Variants in SPAST observed in about 807,000 individuals in gnomAD.
SPAST encodes the protein spastic paraplegia 4 (autosomal dominant; spastin).
A neutral mutation model predicts 76.6 loss-of-function variants in SPAST; 30 were observed. The observed-to-expected ratio is 0.39, with a 90% CI of 0.29 to 0.53. SPAST has a LOEUF of 0.53. Among genes scored for constraint, SPAST ranks in the 20% least tolerant of loss-of-function variants. The pLI, the probability that SPAST is intolerant of heterozygous loss-of-function variation, is 0.68. For synonymous variants in SPAST, 305 were observed against 281.0 expected (o/e 1.09, Z -0.86); for missense variants, 717 against 770.5 (o/e 0.93, Z 0.82).
intron 4 of SPAST, among the ~76,000 whole-genome samples, chr2:32,108,267 C>CT (rs1292622216): frequency 6.6e-6 from 1 of 152,108 alleles, no homozygotes; most frequent in African/African-American, 2.4e-5. Context: ...AGACAACAGC[C>CT]TCAACAGCAG....
chr2:32,066,994 C>CAAAAAAAAAAAAAA (rs1553395256), intron 1 of SPAST, among the ~76,000 whole-genome samples: 1 of 47,106 alleles, frequency 2.1e-5, no homozygotes, highest in South Asian at 1.0e-3. Flanking sequence ...AAAAAAAAAC[C>CAAAAAAAAAAAAAA]AAAAAAAAAA....
chr2:32,125,612 A>G (rs538382531), intron 7 of SPAST, among the ~76,000 whole-genome samples: 1 of 151,954 alleles, frequency 6.6e-6, no homozygotes, highest in Non-Finnish European at 1.5e-5. Context: ...TGTAGGTGAG[A>G]TGTTTTCAGT....
At chr2:32,081,103 C>T (rs1044731446) in intron 1 of SPAST, among the ~76,000 whole-genome samples, 2 of 152,160 alleles carry the variant, frequency 1.3e-5, no homozygotes, top group Non-Finnish European at 2.9e-5. Flanking sequence ...AGGCAACAGG[C>T]GTGCGCCACC....
chr2:32,090,874 C>A (rs1161427492), intron 3 of SPAST, among the ~76,000 whole-genome samples: 4 of 152,120 alleles, frequency 2.6e-5, no homozygotes, highest in Non-Finnish European at 5.9e-5. Context: ...GATTAGACTA[C>A]TTCCTAGGTG....
chr2:32,097,165 G>C (rs1353864183), intron 3 of SPAST, among the ~76,000 whole-genome samples: 1 of 152,230 alleles, frequency 6.6e-6, no homozygotes, highest in African/African-American at 2.4e-5. Flanking sequence ...ACTTGGGGAA[G>C]AGAGTGCAGC....
At chr2:32,075,682 T>A (rs1182535376) in intron 1 of SPAST, among the ~76,000 whole-genome samples, 1 of 148,288 alleles carries the variant, frequency 6.7e-6, no homozygotes, top group East Asian at 2.1e-4. Flanking sequence ...CACAAGTAGA[T>A]GGGACTACAG....
chr2:32,110,076 ATG>A (rs1678485656), intron 4 of SPAST, among the ~76,000 whole-genome samples: 1 of 146,798 alleles, frequency 6.8e-6, no homozygotes, highest in Admixed American at 6.8e-5. Context: ...GTATTTGTAT[ATG>A]TGTGTATACA....
chr2:32,147,408 C>G, intron 16 of SPAST, 150 bp downstream of exon 16: 1 of 570,878 alleles, frequency 1.8e-6, no homozygotes, highest in Non-Finnish European at 3.0e-6. Flanking sequence ...CTGCAACCTC[C>G]ACCTCCTGGA....
rs469305 is a variant in SPAST at position 32,089,404 on chromosome 2, A to T, written c.503-118A>T. The T allele has an allele frequency of 0.43, 252,310 of 580,704 alleles. 54,860 individuals carry two copies. The highest frequency in any genetic ancestry group is 0.59 in the East Asian group (18,563 of 31,292). The allele number at this position is 580,704 out of a possible 1,614,324, so 36.0% of individuals were successfully genotyped here. On this transcript the variant is annotated intron_variant, in intron 2 of 16. Transcript: ENST00000315285. ...GGGTATACATTTTCTTCTTTTTTTT[A>T]AAAAAAAATTTCTGTATAAAGACTG...
chr2:32,090,079 C>CT (rs1306076167), intron 3 of SPAST, among the ~76,000 whole-genome samples: 1 of 152,204 alleles, frequency 6.6e-6, no homozygotes, highest in Admixed American at 6.5e-5. Context: ...TAATGAACTT[C>CT]TAATTATTCT....
At position 32,114,707 on chromosome 2, in the gene SPAST, CA is replaced by C. The variant is rs1678756927; in HGVS notation, c.753del (p.Val252LeufsTer2). The C allele has an allele frequency of 6.2e-7, 1 of 1,614,018 alleles. No homozygotes were observed. Among genetic ancestry groups the C allele is most frequent in the Non-Finnish European group, 8.5e-7 (1 of 1,179,926 alleles). On this transcript the variant is annotated frameshift_variant, in exon 5 of 17. Transcript: ENST00000315285. LOFTEE classifies it high-confidence loss of function. ...AGTAATTCACTGCCTCGTTCAAAAA[CA>C]GTTATGAAAACTGGATCTGCAGGCC... ...HTSNSLPRSK[T>X]VMKTGSAGLS...
chr2:32,103,781 G>A (rs567898918), intron 4 of SPAST, among the ~76,000 whole-genome samples: 16 of 152,212 alleles, frequency 1.1e-4, no homozygotes, highest in South Asian at 4.2e-4. Context: ...GTGGTTTTGC[G>A]TGAGTTTCTT....
rs1021350537 is a variant in SPAST, at chr2:32,082,963, T to TTTAA, written c.416-4514_416-4511dup. Among the ~76,000 whole-genome samples the TTTAA allele has an allele frequency of 3.9e-5, 6 of 152,134 alleles. No individual in the cohort carries two copies. The South Asian group carries it at 1.0e-3, about 26-fold the overall frequency. On this transcript the variant is annotated intron_variant, in intron 1 of 16. Coordinates refer to ENST00000315285, the MANE Select transcript of SPAST (RefSeq NM_014946.4). ...GTTTTTGTTATTGTTGTTGTTGTTG[T>TTTAA]TTAATTAATTAATTAATTTTTTTTT...
At chr2:32,110,912 C>T (rs111206657) in intron 4 of SPAST, among the ~76,000 whole-genome samples, 1 of 50,592 alleles carries the variant, frequency 2.0e-5, no homozygotes, top group Non-Finnish European at 3.5e-5. Flanking sequence ...TATACTATAT[C>T]GTGTGTATAG....
At chr2:32,094,795 C>T (rs938537059) in intron 3 of SPAST, among the ~76,000 whole-genome samples, 2 of 152,158 alleles carry the variant, frequency 1.3e-5, no homozygotes, top group African/African-American at 4.8e-5. Flanking sequence ...CATGGCGAAA[C>T]CTTGTCTTTA....
At chr2:32,088,163 C>T (rs1166526459) in intron 2 of SPAST, among the ~76,000 whole-genome samples, 1 of 151,950 alleles carries the variant, frequency 6.6e-6, no homozygotes, top group Non-Finnish European at 1.5e-5. Flanking sequence ...GGTGGGAGTA[C>T]AGGCATGAGC....
At chr2:32,086,514 G>A (rs1243636143) in intron 1 of SPAST, among the ~76,000 whole-genome samples, 1 of 151,248 alleles carries the variant, frequency 6.6e-6, no homozygotes, top group Non-Finnish European at 1.5e-5. Context: ...TGTAATCTGA[G>A]CACTTTGAGA....
At chr2:32,112,625 C>T (rs568468278) in intron 4 of SPAST, among the ~76,000 whole-genome samples, 9 of 152,026 alleles carry the variant, frequency 5.9e-5, no homozygotes, top group East Asian at 1.9e-4. Flanking sequence ...GGATTACAGG[C>T]GTAAGCCACC....
chr2:32,090,255 C>G (rs1224877065), intron 3 of SPAST, among the ~76,000 whole-genome samples: 1 of 152,168 alleles, frequency 6.6e-6, no homozygotes, highest in Non-Finnish European at 1.5e-5. Flanking sequence ...CTATGGCTTT[C>G]ATGCTACGGT....
Sources: gnomAD v4.1 joint callset for allele counts (sites outside exome capture counted in the v4.1 genomes callset) on GRCh38, gnomAD v4.1.1 for gene constraint, MANE v1.5 for transcripts, NCBI Gene and HGNC (gene_info 2026-07-23, HGNC 2026-07-21) for gene names.